AGPAT2: variants seen among roughly 807,000 people sequenced by gnomAD.
The protein encoded by AGPAT2 is 1-acyl-sn-glycerol-3-phosphate acyltransferase beta.
In AGPAT2, 18 loss-of-function variants were observed where a neutral mutation model predicts 26.1. That is an observed-to-expected ratio of 0.69 (90% CI 0.48 to 1.02). AGPAT2 has a LOEUF of 1.02. Ranked by LOEUF, AGPAT2 falls within the 50% of genes least tolerant of loss-of-function variation. The pLI is 0.00. For synonymous variants in AGPAT2, 200 were observed against 174.2 expected (o/e 1.15, Z -1.16); for missense variants, 415 against 394.9 (o/e 1.05, Z -0.43).
chr9:136,678,517 A>C lies in AGPAT2; in HGVS notation c.183-961T>G, dbSNP rs369464372. ...CGGAGCTCCACTCCGAAGCTCCAGC[A>C]GGGGTGGATGGCCGGGGCAAGGCTG... On this transcript the variant is annotated intron_variant, in intron 1 of 5. Coordinates refer to ENST00000371696, the MANE Select transcript of AGPAT2 (RefSeq NM_006412.4). Among the ~76,000 whole-genome samples, 67 of 152,262 alleles carry C rather than the reference A, an allele frequency of 4.4e-4. 1 individual carries two copies. In the East Asian group the frequency reaches 8.1e-3, roughly 18 times the overall value.
intron 1 of AGPAT2, among the ~76,000 whole-genome samples, chr9:136,679,049 C>T (rs912866354): frequency 6.6e-6 from 1 of 152,156 alleles, no homozygotes; most frequent in African/African-American, 2.4e-5. Context: ...CCAACTCGCC[C>T]GGCCTTTAAA....
At position 136,675,346 on chromosome 9, in the gene AGPAT2, GCA is replaced by G. The variant is rs1293453051; in HGVS notation, c.589-541_589-540del. Among the ~76,000 whole-genome samples, 58 of 135,886 alleles carry G rather than the reference GCA, an allele frequency of 4.3e-4. 3 individuals carry two copies. The highest frequency in any genetic ancestry group is 3.5e-4 in the African/African-American group (13 of 37,436). 89.1% of individuals were successfully genotyped at this position (135,886 alleles called of 152,430 possible). A position where few individuals can be genotyped will look rare whatever the true frequency, so the allele number is the denominator to read the frequency against. ...GGGCCAGCAGGTAGGCTGGGGACTG[GCA>G]GCAGGAAGGGAGGGGGCCAGCAGGT... On this transcript the variant is annotated intron_variant, in intron 4 of 5. Coordinates refer to ENST00000371696, the MANE Select transcript of AGPAT2 (RefSeq NM_006412.4).
chr9:136,674,539 C>CG (rs1554754169), intron 5 of AGPAT2, among the ~76,000 whole-genome samples, 196 bp downstream of exon 5: 1 of 152,246 alleles, frequency 6.6e-6, no homozygotes, highest in Non-Finnish European at 1.5e-5. Flanking sequence ...ATGGGCCCAG[C>CG]ACCACCCATC....
rs1846239797 is a variant in AGPAT2 at position 136,687,444 on chromosome 9, A to AGGGCGGCGGGGCTGGGCG, written c.-88_-87insCGCCCAGCCCCGCCGCCC. 2.5e-6 allele frequency: 3 copies of AGGGCGGCGGGGCTGGGCG among 1,186,320 alleles called. No individual in the cohort carries two copies. The highest frequency in any genetic ancestry group is 4.3e-5 in the Admixed American group (1 of 23,408). 73.5% of individuals were successfully genotyped at this position (1,186,320 alleles called of 1,614,324 possible). A position where few individuals can be genotyped will look rare whatever the true frequency, so the allele number is the denominator to read the frequency against. ...CCGCGCGCTCAGGCCCCTTATTGCG[A>AGGGCGGCGGGGCTGGGCG]GGGCGGCGGGGCTGGGCGGGGCGGG... On this transcript the variant is annotated 5_prime_UTR_variant, in exon 1 of 6. Transcript: ENST00000371696.
rs372152756 is a variant in AGPAT2 at position 136,673,467 on chromosome 9, C to T, written c.*285G>A. ...CCTTGTGGCTCAGCCCACCAGCGGG[C>T]CACAGCCGCAAGCCTCATCTTTATC... On this transcript the variant is annotated 3_prime_UTR_variant, in exon 6 of 6. Transcript: ENST00000371696. 3.1e-6 allele frequency: 1 copy of T among 323,412 alleles called. No individual in the cohort carries two copies. Among genetic ancestry groups the T allele is most frequent in the Non-Finnish European group, 5.7e-6 (1 of 176,718 alleles). 20.0% of individuals were successfully genotyped at this position (323,412 alleles called of 1,614,324 possible). A position where few individuals can be genotyped will look rare whatever the true frequency, so the allele number is the denominator to read the frequency against.
In AGPAT2 at chr9:136,683,978, G is replaced by A. The variant is rs370194964; in HGVS notation, c.182+3198C>T. 9.9e-5 allele frequency among the ~76,000 whole-genome samples: 15 copies of A among 152,194 alleles called. 1 individual carries two copies. In the South Asian group the frequency reaches 1.7e-3, roughly 17 times the overall value. ...CACACTGGGCGTGTGGTGTGGGCAC[G>A]TGCTCCATGGGGACAGGAGCCTGCC... On this transcript the variant is annotated intron_variant, in intron 1 of 5. Transcript: ENST00000371696.
In AGPAT2 at chr9:136,687,036, C is replaced by T. The variant is rs1321224313; in HGVS notation, c.182+140G>A. 1.3e-5 allele frequency: 13 copies of T among 967,652 alleles called. No individual in the cohort carries two copies. The East Asian group carries it at 3.2e-4, about 23-fold the overall frequency. The allele number at this position is 967,652 out of a possible 1,614,324, so 59.9% of individuals were successfully genotyped here. A position where few individuals can be genotyped will look rare whatever the true frequency, so the allele number is the denominator to read the frequency against. ...CCGGGACCCCCTCCTGTGCCTGCCG[C>T]CGGCCCAGGCGCGCTCTCCCCGGAG... On this transcript the variant is annotated intron_variant, in intron 1 of 5. Coordinates refer to ENST00000371696, the MANE Select transcript of AGPAT2 (RefSeq NM_006412.4).
intron 1 of AGPAT2, among the ~76,000 whole-genome samples, chr9:136,685,254 G>T (rs971556601): frequency 1.3e-5 from 2 of 152,236 alleles, no homozygotes; most frequent in African/African-American, 4.8e-5. Context: ...GGTGAGGGCG[G>T]CAGGAGGGTC....
chr9:136,681,907 G>A (rs369039881), intron 1 of AGPAT2, among the ~76,000 whole-genome samples: 1 of 152,034 alleles, frequency 6.6e-6, no homozygotes, highest in Non-Finnish European at 1.5e-5. Flanking sequence ...GAGAAAAATC[G>A]CCTTCTAAGC....
chr9:136,681,662 C>T (rs562006812), intron 1 of AGPAT2, among the ~76,000 whole-genome samples: 2 of 152,234 alleles, frequency 1.3e-5, no homozygotes, highest in African/African-American at 4.8e-5. Flanking sequence ...ATCAGCCAGA[C>T]GTGGTGGCAG....
chr9:136,687,062 C>T, intron 1 of AGPAT2, 114 bp downstream of exon 1: 2 of 1,255,120 alleles, frequency 1.6e-6, no homozygotes, highest in East Asian at 3.0e-5. Context: ...CTCCCCGGAG[C>T]CCCGGAGCGG....
chr9:136,679,615 G>A (rs570944185), intron 1 of AGPAT2, among the ~76,000 whole-genome samples: 4 of 152,296 alleles, frequency 2.6e-5, no homozygotes, highest in South Asian at 4.1e-4. Flanking sequence ...CCAAGAAGAC[G>A]AGGAGGCAAA....
In AGPAT2 at chr9:136,684,696, G is replaced by A. The variant is rs73668356; in HGVS notation, c.182+2480C>T. 9.0e-3 allele frequency among the ~76,000 whole-genome samples: 1,368 copies of A among 152,314 alleles called. 22 individuals are homozygous for A. Among genetic ancestry groups the A allele is most frequent in the African/African-American group, 0.03 (1,250 of 41,550 alleles). On this transcript the variant is annotated intron_variant, in intron 1 of 5. Transcript: ENST00000371696. ...GGAACAAGGGGAAAGGGAAAAGCAG[G>A]TACTCTGGAGTCACTGTCAGTGGGT... is the stretch of plus-strand genomic sequence containing the variant.
chr9:136,683,893 C>T (rs1019663568), intron 1 of AGPAT2, among the ~76,000 whole-genome samples: 3 of 152,242 alleles, frequency 2.0e-5, no homozygotes, highest in Admixed American at 6.5e-5. Flanking sequence ...GGACCATGCA[C>T]TGGCCGGCAA....
rs112133999 is a variant in AGPAT2, at chr9:136,680,681, A to AT, written c.183-3126dup. 9.0e-3 allele frequency among the ~76,000 whole-genome samples: 1,363 copies of AT among 151,318 alleles called. 15 individuals carry two copies. The highest frequency in any genetic ancestry group is 0.03 in the African/African-American group (1,236 of 41,210). The stretch of plus-strand genomic sequence containing the variant: ...AAAATAAGATCTTCATTTATTTTTT[A>AT]TTTTTTTTGAGACGGAGTCTTGCTG... On this transcript the variant is annotated intron_variant, in intron 1 of 5. Coordinates refer to ENST00000371696, the MANE Select transcript of AGPAT2 (RefSeq NM_006412.4).
At chr9:136,681,963 G>T (rs1846166609) in intron 1 of AGPAT2, among the ~76,000 whole-genome samples, 1 of 152,102 alleles carries the variant, frequency 6.6e-6, no homozygotes, top group South Asian at 2.1e-4. Context: ...CGAGACAAGG[G>T]CTCTACATGA....
At chr9:136,682,637 C>T (rs535114098) in intron 1 of AGPAT2, among the ~76,000 whole-genome samples, 2 of 152,356 alleles carry the variant, frequency 1.3e-5, no homozygotes, top group African/African-American at 4.8e-5. Context: ...AGCAGCCCAG[C>T]ACCCAAAACT....
chr9:136,686,711 G>C (rs549067721), intron 1 of AGPAT2, among the ~76,000 whole-genome samples: 115 of 152,228 alleles, frequency 7.6e-4, no homozygotes, highest in African/African-American at 2.8e-3. Flanking sequence ...GTCAGGAGGG[G>C]GTCGGAGGGA....
At chr9:136,682,205 A>G (rs929926861) in intron 1 of AGPAT2, among the ~76,000 whole-genome samples, 2 of 152,026 alleles carry the variant, frequency 1.3e-5, no homozygotes. Flanking sequence ...GCTCATCCTG[A>G]GGCTCCCTCC....
Sources: gnomAD v4.1 joint callset for allele counts (sites outside exome capture counted in the v4.1 genomes callset) on GRCh38, gnomAD v4.1.1 for gene constraint, MANE v1.5 for transcripts, NCBI Gene and HGNC (gene_info 2026-07-23, HGNC 2026-07-21) for gene names.